The following USH2A variants were observed in gnomAD, a reference collection of about 807,000 sequenced individuals.
USH2A encodes the protein usherin, also known as Usher syndrome 2A (autosomal recessive, mild).
In USH2A, 443 loss-of-function variants were observed where a neutral mutation model predicts 538.9. That is an observed-to-expected ratio of 0.82 (90% CI 0.76 to 0.89). USH2A has a LOEUF of 0.89. Among genes scored for constraint, USH2A ranks in the 40% least tolerant of loss-of-function variants. The pLI is 0.00. For synonymous variants in USH2A, 2,413 were observed against 2,273.5 expected, an observed-to-expected ratio of 1.06 and a Z score of -1.75; for missense variants, 6,633 against 6,324.8, an observed-to-expected ratio of 1.05 and a Z score of -1.65.
chr1:216,193,194 G>T (rs1221966892), intron 19 of USH2A, among the ~76,000 whole-genome samples: 1 of 152,006 alleles, frequency 6.6e-6, no homozygotes, highest in Non-Finnish European at 1.5e-5. Flanking sequence ...AAAACATTGA[G>T]TATAAATGAG....
At chr1:216,307,379 C>A (rs1053006278) in intron 9 of USH2A, among the ~76,000 whole-genome samples, 21 of 152,208 alleles carry the variant, frequency 1.4e-4, no homozygotes, top group Admixed American at 1.0e-3. Flanking sequence ...TCACCCAGCT[C>A]CCATGCAACC....
At chr1:215,968,850 C>A (rs918977307) in intron 36 of USH2A, among the ~76,000 whole-genome samples, 1 of 152,132 alleles carries the variant, frequency 6.6e-6, no homozygotes, top group Admixed American at 6.6e-5. Flanking sequence ...CCGTTGTACA[C>A]CATTGCCACG....
At chr1:215,970,872 T>G in intron 35 of USH2A, 96 bp from the exon 36 acceptor site, 3 of 1,261,116 alleles carry the variant, frequency 2.4e-6, no homozygotes. Context: ...TCTAGTTTCA[T>G]GGAATCATTA....
Position 216,266,095 on chromosome 1 carries a change from TG to T in USH2A, c.1972-14998del, listed in dbSNP as rs1021587668. On this transcript the variant is annotated intron_variant, in intron 11 of 71. Transcript: ENST00000307340. ...AAGAAATGATACAGGTTGGTGGTAA[TG>T]GATTTGCTAATTACACTGATTTGAT... Among the ~76,000 whole-genome samples the T allele has an allele frequency of 2.0e-5, 3 of 152,252 alleles. No homozygotes were observed. In the East Asian group the frequency reaches 5.8e-4, roughly 29 times the overall value.
chr1:215,661,185 G>A (rs556156485), intron 64 of USH2A, among the ~76,000 whole-genome samples: 5 of 152,258 alleles, frequency 3.3e-5, no homozygotes, highest in South Asian at 2.1e-4. Flanking sequence ...TGTGGGGGAC[G>A]AGCTGGTTTT....
chr1:215,656,884 T>C (rs1657271755), intron 64 of USH2A, among the ~76,000 whole-genome samples: 2 of 152,250 alleles, frequency 1.3e-5, no homozygotes, highest in Admixed American at 1.3e-4. Flanking sequence ...ACATCAGAAA[T>C]AAACAAAAAA....
intron 4 of USH2A, among the ~76,000 whole-genome samples, chr1:216,341,694 C>T (rs570331398): frequency 6.6e-6 from 1 of 152,090 alleles, no homozygotes; most frequent in South Asian, 2.1e-4. Context: ...TAACACCACA[C>T]TTCTACAACC....
chr1:215,760,819 C>T (rs543770318), intron 56 of USH2A, among the ~76,000 whole-genome samples: 1 of 152,304 alleles, frequency 6.6e-6, no homozygotes, highest in East Asian at 1.9e-4. Flanking sequence ...CCACGTTTCT[C>T]TCTCTCATAA....
intron 26 of USH2A, 82 bp downstream of exon 26, chr1:216,083,374 G>A (rs80000884): frequency 6.8e-7 from 1 of 1,461,978 alleles, no homozygotes; most frequent in Non-Finnish European, 9.4e-7. Flanking sequence ...CCCCAATTAA[G>A]TGTAATGCCA....
intron 11 of USH2A, among the ~76,000 whole-genome samples, chr1:216,287,627 G>A (rs1233917306): frequency 6.6e-6 from 1 of 151,902 alleles, no homozygotes; most frequent in Non-Finnish European, 1.5e-5. Context: ...ATAGAAGTTT[G>A]AGTTCAGAAA....
chr1:215,756,807 C>T (rs1003009194), intron 58 of USH2A, among the ~76,000 whole-genome samples: 4 of 151,930 alleles, frequency 2.6e-5, no homozygotes, highest in African/African-American at 9.7e-5. Context: ...GCCTGTAGTC[C>T]CAGCTACTTT....
At chr1:215,795,795 T>C (rs1343954216) in intron 50 of USH2A, among the ~76,000 whole-genome samples, 1 of 152,198 alleles carries the variant, frequency 6.6e-6, no homozygotes, top group African/African-American at 2.4e-5. Flanking sequence ...GACGTTACTA[T>C]GACTTTAAGC....
chr1:216,138,733 T>C (rs76595595), intron 21 of USH2A, among the ~76,000 whole-genome samples: 8,608 of 152,178 alleles, frequency 0.057, 335 homozygotes, highest in East Asian at 0.18. Context: ...AGAATACCCT[T>C]TTTCTGATGA....
At chr1:216,257,118 T>C (rs1450744229) in intron 11 of USH2A, among the ~76,000 whole-genome samples, 1 of 152,054 alleles carries the variant, frequency 6.6e-6, no homozygotes, top group Non-Finnish European at 1.5e-5. Context: ...GTTGCCATTT[T>C]GGGTGCTCTT....
chr1:216,365,001 T>C lies in USH2A; in HGVS notation c.736A>G (p.Ile246Val), dbSNP rs746975879. ...PFNARTLSGS[I>V]TDFASGTVQI... The stretch of plus-strand genomic sequence containing the variant: ...ACAGTACCAGATGCAAAATCTGTAA[T>C]TGAACCACTTAGAGTTCTTGCATTG... The change falls in exon 4 of 72, where the codon ATT becomes GTT. Residue 246 changes from isoleucine to valine, a missense_variant. Ile to Val is a conservative substitution (Grantham distance 29). Coordinates refer to ENST00000307340, the MANE Select transcript of USH2A (RefSeq NM_206933.4). 3.1e-6 allele frequency: 5 copies of C among 1,613,670 alleles called. No individual in the cohort carries two copies. The highest frequency in any genetic ancestry group is 1.6e-4 in the Middle Eastern group (1 of 6,076).
At chr1:215,920,383 T>C (rs1003958174) in intron 38 of USH2A, among the ~76,000 whole-genome samples, 4 of 152,036 alleles carry the variant, frequency 2.6e-5, no homozygotes, top group Admixed American at 6.6e-5. Context: ...GAGACAGCTG[T>C]TGGAATCATC....
At position 215,626,064 on chromosome 1, in the gene USH2A, T is replaced by A. The variant is rs75244763; in HGVS notation, c.15520-194A>T. ...GAAAGGATCACATCACATGCACACA[T>A]GAACTATAGACTAATTCAAAATGTA... On this transcript the variant is annotated intron_variant, in intron 71 of 71. Coordinates refer to ENST00000307340, the MANE Select transcript of USH2A (RefSeq NM_206933.4). 0.051 allele frequency among the ~76,000 whole-genome samples: 7,761 copies of A among 152,012 alleles called. 329 individuals are homozygous for A. The highest frequency in any genetic ancestry group is 0.18 in the East Asian group (943 of 5,160).
At chr1:216,222,669 A>G (rs1275848209) in intron 14 of USH2A, among the ~76,000 whole-genome samples, 5 of 152,146 alleles carry the variant, frequency 3.3e-5, no homozygotes, top group African/African-American at 1.2e-4. Flanking sequence ...TTGAAAATGA[A>G]GGAAGGAGCC....
chr1:216,225,654 G>A (rs148352875), intron 14 of USH2A, among the ~76,000 whole-genome samples: 2 of 152,164 alleles, frequency 1.3e-5, no homozygotes, highest in Non-Finnish European at 2.9e-5. Context: ...CAACAACAGA[G>A]CCAATTCTGC....
Sources: gnomAD v4.1 joint callset for allele counts (sites outside exome capture counted in the v4.1 genomes callset) on GRCh38, gnomAD v4.1.1 for gene constraint, MANE v1.5 for transcripts, NCBI Gene and HGNC (gene_info 2026-07-23, HGNC 2026-07-21) for gene names.